PEAK1: variants seen among roughly 807,000 people sequenced by gnomAD.
PEAK1 encodes inactive tyrosine-protein kinase PEAK1.
In PEAK1, 54 loss-of-function variants were observed where a neutral mutation model predicts 124.7. That is an observed-to-expected ratio of 0.43 (90% CI 0.35 to 0.54). PEAK1 has a LOEUF of 0.54. PEAK1 is among the 20% of genes least tolerant of loss of function. The probability of loss-of-function intolerance (pLI) is 0.01; values close to 1 mark genes in which losing one functional copy is unlikely to be tolerated. For synonymous variants in PEAK1, 719 were observed against 760.0 expected (o/e 0.95, Z 0.89); for missense variants, 2,046 against 2,134.5 (o/e 0.96, Z 0.82).
intron 6 of PEAK1, among the ~76,000 whole-genome samples, chr15:77,186,401 G>A (rs905208064): frequency 1.3e-5 from 2 of 152,158 alleles, no homozygotes; most frequent in African/African-American, 4.8e-5. Context: ...AGATGGCTAA[G>A]CTGATTAACA....
At chr15:77,154,826 T>C (rs954456836) in intron 8 of PEAK1, among the ~76,000 whole-genome samples, 2 of 152,094 alleles carry the variant, frequency 1.3e-5, no homozygotes, top group Non-Finnish European at 1.5e-5. Flanking sequence ...CACTCTCTTC[T>C]GGCTTGTAGA....
At chr15:77,163,089 C>T (rs1266098304) in intron 7 of PEAK1, among the ~76,000 whole-genome samples, 1 of 152,134 alleles carries the variant, frequency 6.6e-6, no homozygotes, top group Non-Finnish European at 1.5e-5. Context: ...GGTCCTTGAT[C>T]TTCAGGTTGG....
rs1171865581 is a variant in PEAK1, at chr15:77,180,759, G to A, written c.1168C>T (p.Pro390Ser). Residue 390 changes from proline (P) to serine (S), a missense_variant, in exon 7 of 10, where the codon CCC (proline) becomes TCC (serine). Transcript: ENST00000682557. ...TCTTTATCCTGATTATTACTAGAGG[G>A]ACTTTCATAATTGGGCTCAATTTCC... ...MKEIEPNYES[P>S]SSNNQDKDSS... The A allele has an allele frequency of 1.2e-6, 2 of 1,613,844 alleles. No homozygotes were observed. Among genetic ancestry groups the A allele is most frequent in the African/African-American group, 1.3e-5 (1 of 74,838 alleles).
intron 2 of PEAK1, among the ~76,000 whole-genome samples, chr15:77,326,870 T>C (rs1192393552): frequency 6.6e-6 from 1 of 152,026 alleles, no homozygotes; most frequent in African/African-American, 2.4e-5. Context: ...AGAAAACCTA[T>C]CTCATGTACC....
chr15:77,203,467 T>C (rs2058470854), intron 6 of PEAK1, among the ~76,000 whole-genome samples: 1 of 152,090 alleles, frequency 6.6e-6, no homozygotes, highest in African/African-American at 2.4e-5. Context: ...ACCCAAAGAA[T>C]AAACACAATT....
At chr15:77,243,229 C>A (rs1255475384) in intron 6 of PEAK1, among the ~76,000 whole-genome samples, 5 of 152,108 alleles carry the variant, frequency 3.3e-5, no homozygotes, top group Non-Finnish European at 7.4e-5. Context: ...AAAGCAGGAG[C>A]ATATTTTACA....
intron 2 of PEAK1, chr15:77,334,420 C>T (rs1294023040): frequency 1.0e-6 from 1 of 985,070 alleles, no homozygotes; most frequent in Non-Finnish European, 1.2e-6. Context: ...TCCCATCTTG[C>T]CAGGCTTCTA....
chr15:77,349,335 G>A (rs974212755), intron 2 of PEAK1: 17 of 981,142 alleles, frequency 1.7e-5, no homozygotes, highest in Middle Eastern at 5.2e-4. Context: ...CACCGCGCCC[G>A]GCCTCAGTCA....
chr15:77,402,833 A>G (rs2071487498), intron 1 of PEAK1: 1 of 985,310 alleles, frequency 1.0e-6, no homozygotes. Flanking sequence ...GTATGAAAAA[A>G]AAAATGCCCT....
chr15:77,205,278 A>ATTTT lies in PEAK1; in HGVS notation c.-114-23239_-114-23238insAAAA, dbSNP rs1567112441. On this transcript the variant is annotated intron_variant, in intron 6 of 9. Transcript: ENST00000682557. ...TTTAAGATCAAATGCCTTTTTTTAAAAAAAAAAAAAAAGAAGTTAAATAAT... is the reference window on the plus strand; with the variant it reads ...TTTAAGATCAAATGCCTTTTTTTAAATTTTAAAAAAAAAAAAGAAGTTAAATAAT... Among the ~76,000 whole-genome samples the ATTTT allele has an allele frequency of 1.8e-3, 255 of 143,410 alleles. 2 individuals are homozygous for ATTTT. The highest frequency in any genetic ancestry group is 4.9e-3 in the East Asian group (25 of 5,122). 94.1% of individuals were successfully genotyped at this position (143,410 alleles called of 152,430 possible). A position where few individuals can be genotyped will look rare whatever the true frequency, so the allele number is the denominator to read the frequency against.
At chr15:77,387,693 C>T (rs1251506263) in intron 1 of PEAK1, among the ~76,000 whole-genome samples, 4 of 152,060 alleles carry the variant, frequency 2.6e-5, no homozygotes, top group Admixed American at 6.5e-5. Flanking sequence ...CTTGAGGAAG[C>T]TATGAGAATT....
In PEAK1 at chr15:77,109,362, T is replaced by C. The variant is rs1003494152; in HGVS notation, c.*4794A>G. On this transcript the variant is annotated 3_prime_UTR_variant, in exon 10 of 10. Coordinates refer to ENST00000682557, the MANE Select transcript of PEAK1 (RefSeq NM_001385026.1). ...TCTAATATACAAAATGGACTTCTTT[T>C]TAAAAAGGTGCTTTTCTGAGGATGG... The C allele has an allele frequency of 6.6e-6, 1 of 152,206 alleles. No individual in the cohort carries two copies. Among genetic ancestry groups the C allele is most frequent in the South Asian group, 2.1e-4 (1 of 4,834 alleles). 9.4% of individuals were successfully genotyped at this position (152,206 alleles called of 1,614,324 possible).
intron 5 of PEAK1, among the ~76,000 whole-genome samples, chr15:77,268,166 GAAAA>G (rs1210954347): frequency 6.6e-6 from 1 of 152,082 alleles, no homozygotes. Context: ...AGACAAAGAA[GAAAA>G]AAGAATTTTT....
chr15:77,320,945 T>C (rs1343841747), intron 2 of PEAK1, among the ~76,000 whole-genome samples: 1 of 152,168 alleles, frequency 6.6e-6, no homozygotes, highest in Non-Finnish European at 1.5e-5. Flanking sequence ...TTGCTGAGAA[T>C]GATGGTTTCC....
chr15:77,339,149 C>T (rs1207699677), intron 2 of PEAK1, among the ~76,000 whole-genome samples: 3 of 148,932 alleles, frequency 2.0e-5, no homozygotes, highest in Admixed American at 6.7e-5. Flanking sequence ...CTCATTATGT[C>T]GCCCAGGCTT....
At chr15:77,351,051 T>TGAAGG in intron 2 of PEAK1, 3 of 618,068 alleles carry the variant, frequency 4.9e-6, no homozygotes, top group Non-Finnish European at 6.1e-6. Flanking sequence ...GCCCCTGCCT[T>TGAAGG]CAGAGGCAGA....
intron 9 of PEAK1, among the ~76,000 whole-genome samples, chr15:77,118,580 A>G (rs923483937): frequency 1.3e-5 from 2 of 152,206 alleles, no homozygotes; most frequent in Non-Finnish European, 1.5e-5. Context: ...ACCAGGGATT[A>G]AAGTAACTTC....
chr15:77,412,596 G>A (rs1041235637), intron 1 of PEAK1, among the ~76,000 whole-genome samples: 1 of 152,042 alleles, frequency 6.6e-6, no homozygotes, highest in Non-Finnish European at 1.5e-5. Flanking sequence ...TTACATAATT[G>A]TACATGGATA....
chr15:77,253,156 A>G (rs970021749), intron 5 of PEAK1, among the ~76,000 whole-genome samples: 1 of 151,396 alleles, frequency 6.6e-6, no homozygotes, highest in Non-Finnish European at 1.5e-5. Context: ...GAGTTATTGT[A>G]TACTATATAC....
Sources: allele counts gnomAD v4.1 joint callset (sites outside exome capture counted in the v4.1 genomes callset), GRCh38; gene constraint gnomAD v4.1.1; transcripts MANE v1.5; gene names NCBI Gene and HGNC (gene_info 2026-07-23, HGNC 2026-07-21).